The following GALNT13 variants were observed in gnomAD, a reference collection of about 807,000 sequenced individuals.
The protein encoded by GALNT13 is UDP-GalNAc:polypeptide N-acetylgalactosaminyltransferase 13.
A neutral mutation model predicts 64.2 loss-of-function variants in GALNT13; 28 were observed. The observed-to-expected ratio is 0.44, with a 90% CI of 0.32 to 0.60. GALNT13 has a LOEUF of 0.60. Ranked by LOEUF, GALNT13 falls within the 20% of genes least tolerant of loss-of-function variation. The probability of loss-of-function intolerance (pLI) is 0.05; values close to 1 mark genes in which losing one functional copy is unlikely to be tolerated. For missense variants in GALNT13, 577 were observed against 669.8 expected (o/e 0.86, Z 1.53); for synonymous variants, 214 against 224.6 (o/e 0.95, Z 0.42).
chr2:154,282,628 G>C (rs1692023429), intron 8 of GALNT13, among the ~76,000 whole-genome samples: 1 of 151,892 alleles, frequency 6.6e-6, no homozygotes. Context: ...ATCAGTTTGT[G>C]TCTATTTCAA....
the GALNT13 span, among the ~76,000 whole-genome samples, chr2:153,695,975 C>G: frequency 1.3e-5 from 2 of 152,082 alleles, no homozygotes; most frequent in African/African-American, 4.8e-5. Context: ...CTCTATTAGT[C>G]AGGGTTCTCT....
intron 3 of GALNT13, among the ~76,000 whole-genome samples, chr2:154,131,284 T>C (rs546359673): frequency 6.6e-6 from 1 of 152,188 alleles, no homozygotes. Flanking sequence ...ATTAGTAGAA[T>C]ATATTATAAG....
chr2:154,270,785 C>T (rs545530274), intron 8 of GALNT13, among the ~76,000 whole-genome samples: 5 of 151,752 alleles, frequency 3.3e-5, no homozygotes, highest in South Asian at 2.1e-4. Context: ...TATGTTAGAC[C>T]ATGTTTTAGC....
intron 12 of GALNT13, among the ~76,000 whole-genome samples, chr2:154,441,040 G>A (rs1701267487): frequency 6.6e-6 from 1 of 152,144 alleles, no homozygotes; most frequent in South Asian, 2.1e-4. Context: ...TGTTAGAAAT[G>A]CAGGATCCGA....
chr2:153,981,742 C>T (rs1694480779), intron 3 of GALNT13, among the ~76,000 whole-genome samples: 1 of 152,022 alleles, frequency 6.6e-6, no homozygotes, highest in Admixed American at 6.6e-5. Flanking sequence ...TGCTTTGTCA[C>T]CTGAGACCAG....
chr2:153,912,869 G>A (rs1359721822), intron 2 of GALNT13, among the ~76,000 whole-genome samples: 1 of 152,182 alleles, frequency 6.6e-6, no homozygotes, highest in Admixed American at 6.5e-5. Flanking sequence ...AGTGGCAGTG[G>A]AATCTATCCT....
At chr2:154,339,422 T>G (rs1372505457) in intron 9 of GALNT13, among the ~76,000 whole-genome samples, 1 of 152,120 alleles carries the variant, frequency 6.6e-6, no homozygotes, top group Non-Finnish European at 1.5e-5. Flanking sequence ...TACTTTAGGT[T>G]AGAATTAACC....
At chr2:153,269,578 G>T in the GALNT13 span, among the ~76,000 whole-genome samples, 7 of 152,046 alleles carry the variant, frequency 4.6e-5, no homozygotes, top group African/African-American at 1.4e-4. Flanking sequence ...ACCTCTGCTT[G>T]TTACCGTTTC....
At chr2:153,741,225 A>G in the GALNT13 span, among the ~76,000 whole-genome samples, 2 of 151,964 alleles carry the variant, frequency 1.3e-5, no homozygotes, top group African/African-American at 2.4e-5. Flanking sequence ...ATTTATTTAT[A>G]AATACTATCT....
chr2:153,493,908 G>C, the GALNT13 span, among the ~76,000 whole-genome samples: 1 of 151,844 alleles, frequency 6.6e-6, no homozygotes, highest in African/African-American at 2.4e-5. Flanking sequence ...CCTGAGATTA[G>C]GAAATTTATT....
chr2:153,852,902 A>C, the GALNT13 span, among the ~76,000 whole-genome samples: 2 of 152,166 alleles, frequency 1.3e-5, no homozygotes, highest in Non-Finnish European at 2.9e-5. Flanking sequence ...AAGGGAGTTT[A>C]TTATGGAGTA....
intron 9 of GALNT13, among the ~76,000 whole-genome samples, chr2:154,303,696 C>T (rs1343600407): frequency 6.6e-6 from 1 of 151,916 alleles, no homozygotes; most frequent in East Asian, 1.9e-4. Context: ...ATGGTCAATA[C>T]GGCATGATAG....
At chr2:153,805,468 T>A in the GALNT13 span, among the ~76,000 whole-genome samples, 1 of 152,120 alleles carries the variant, frequency 6.6e-6, no homozygotes, top group African/African-American at 2.4e-5. Flanking sequence ...AATTGTTTCC[T>A]TTTCTGAAGA....
intron 9 of GALNT13, among the ~76,000 whole-genome samples, chr2:154,383,313 C>T (rs749243860): frequency 1.3e-5 from 2 of 151,822 alleles, no homozygotes; most frequent in African/African-American, 2.4e-5. Flanking sequence ...ATTTCATAAT[C>T]ATAGTAGCAC....
the GALNT13 span, among the ~76,000 whole-genome samples, chr2:153,258,789 A>G: frequency 3.9e-5 from 6 of 152,084 alleles, no homozygotes; most frequent in African/African-American, 1.4e-4. Flanking sequence ...CTTGTTATCA[A>G]TTACCGGTTT....
At chr2:154,129,178 T>C (rs987655674) in intron 3 of GALNT13, among the ~76,000 whole-genome samples, 2 of 152,200 alleles carry the variant, frequency 1.3e-5, no homozygotes, top group Non-Finnish European at 2.9e-5. Flanking sequence ...CTACCTTTTA[T>C]GGTTTTTGTA....
At chr2:153,850,005 CAAAAAAA>C in the GALNT13 span, among the ~76,000 whole-genome samples, 9 of 84,692 alleles carry the variant, frequency 1.1e-4, no homozygotes, top group South Asian at 8.7e-4. Context: ...ACTAAAAATA[CAAAAAAA>C]AAAAAAAAAA....
chr2:153,255,719 C>G, the GALNT13 span, among the ~76,000 whole-genome samples: 2 of 152,142 alleles, frequency 1.3e-5, no homozygotes, highest in African/African-American at 4.8e-5. Flanking sequence ...TTGTCCTTCA[C>G]TTATGAAGCT....
chr2:153,275,631 T>C, the GALNT13 span, among the ~76,000 whole-genome samples: 250 of 67,692 alleles, frequency 3.7e-3, 7 homozygotes, highest in East Asian at 0.057. Flanking sequence ...TCTCTCTTTC[T>C]CTCTCATGAT....
Sources: gnomAD v4.1 joint callset for allele counts (sites outside exome capture counted in the v4.1 genomes callset) on GRCh38, gnomAD v4.1.1 for gene constraint, MANE v1.5 for transcripts, NCBI Gene and HGNC (gene_info 2026-07-23, HGNC 2026-07-21) for gene names.